The following LRMDA variants were observed in gnomAD, a reference collection of about 807,000 sequenced individuals.
LRMDA encodes leucine-rich melanocyte differentiation-associated protein.
Under a neutral mutation model 29.8 loss-of-function variants are expected in LRMDA, and 18 were observed. That is an observed-to-expected ratio of 0.60 (90% confidence interval 0.42 to 0.90). LRMDA has a LOEUF of 0.90. Ranked by LOEUF, LRMDA falls within the 40% of genes least tolerant of loss-of-function variation. The probability of loss-of-function intolerance (pLI) is 0.00; values close to 1 mark genes in which losing one functional copy is unlikely to be tolerated. For missense variants in LRMDA, 273 were observed against 273.9 expected (o/e 1.00, Z 0.02); for synonymous variants, 125 against 109.4 (o/e 1.14, Z -0.89).
chr10:76,324,575 C>G (rs530880397), intron 6 of LRMDA, 90 bp downstream of exon 6: 2 of 1,146,226 alleles, frequency 1.7e-6, no homozygotes, highest in African/African-American at 3.1e-5. Flanking sequence ...TGCCTCGGCA[C>G]TTTAGAAAGA....
At chr10:76,198,513 C>T (rs1433476644) in intron 5 of LRMDA, among the ~76,000 whole-genome samples, 1 of 152,184 alleles carries the variant, frequency 6.6e-6, no homozygotes, top group Non-Finnish European at 1.5e-5. Flanking sequence ...TAGTTGAGCA[C>T]CATGATGTTA....
chr10:76,466,361 A>G (rs1166277083), intron 6 of LRMDA, among the ~76,000 whole-genome samples: 1 of 152,114 alleles, frequency 6.6e-6, no homozygotes, highest in East Asian at 1.9e-4. Flanking sequence ...CTCCCCTTTC[A>G]TCTTCAGATC....
intron 2 of LRMDA, among the ~76,000 whole-genome samples, chr10:76,009,160 A>C (rs1332197643): frequency 6.6e-6 from 1 of 152,140 alleles, no homozygotes; most frequent in African/African-American, 2.4e-5. Context: ...GACCACCATG[A>C]GCTGATTCTC....
chr10:76,397,940 A>G (rs1841806123), intron 6 of LRMDA, among the ~76,000 whole-genome samples: 1 of 152,222 alleles, frequency 6.6e-6, no homozygotes, highest in Non-Finnish European at 1.5e-5. Flanking sequence ...TAGAGCACAA[A>G]CTGTGATGAG....
intron 2 of LRMDA, among the ~76,000 whole-genome samples, chr10:75,994,823 C>T (rs988612368): frequency 3.9e-5 from 6 of 152,278 alleles, no homozygotes; most frequent in Non-Finnish European, 5.9e-5. Context: ...GTCTAAATAA[C>T]GCAGCAACTC....
intron 5 of LRMDA, among the ~76,000 whole-genome samples, chr10:76,157,308 G>A (rs905142902): frequency 2.0e-5 from 3 of 152,118 alleles, no homozygotes; most frequent in Non-Finnish European, 2.9e-5. Flanking sequence ...ATTGAAGAAT[G>A]GCACAGCTTT....
intron 2 of LRMDA, among the ~76,000 whole-genome samples, chr10:75,858,147 C>G (rs943254438): frequency 2.0e-5 from 3 of 152,006 alleles, no homozygotes; most frequent in Non-Finnish European, 2.9e-5. Flanking sequence ...ATTCTGAGGC[C>G]CCCCCGTACC....
intron 2 of LRMDA, among the ~76,000 whole-genome samples, chr10:75,957,937 G>C (rs75461583): frequency 0.011 from 1,645 of 152,278 alleles, 33 homozygotes; most frequent in African/African-American, 0.037. Context: ...TCTCTTTGGG[G>C]ATATCCAGGA....
chr10:75,972,472 AGCG>A (rs781321545), intron 2 of LRMDA, among the ~76,000 whole-genome samples: 2 of 152,134 alleles, frequency 1.3e-5, no homozygotes, highest in Non-Finnish European at 2.9e-5. Flanking sequence ...ATTCATCTGA[AGCG>A]TTTTTGAAAA....
At chr10:75,839,993 C>T (rs1385314417) in intron 2 of LRMDA, among the ~76,000 whole-genome samples, 8 of 152,196 alleles carry the variant, frequency 5.3e-5, no homozygotes, top group Admixed American at 2.0e-4. Context: ...CAGGCGTAAG[C>T]CACCACGCCT....
intron 4 of LRMDA, among the ~76,000 whole-genome samples, chr10:76,052,383 A>G (rs1026463506): frequency 8.5e-5 from 13 of 152,194 alleles, no homozygotes; most frequent in Admixed American, 1.3e-4. Context: ...GTGGAGGCCC[A>G]TCTGAGCTTT....
chr10:76,164,033 A>G (rs1188595120), intron 5 of LRMDA, among the ~76,000 whole-genome samples: 1 of 152,152 alleles, frequency 6.6e-6, no homozygotes, highest in African/African-American at 2.4e-5. Context: ...CACTTCCTTA[A>G]ACAACCCTCT....
chr10:76,041,617 C>T (rs1848339931), intron 3 of LRMDA, among the ~76,000 whole-genome samples: 1 of 152,276 alleles, frequency 6.6e-6, no homozygotes, highest in Admixed American at 6.5e-5. Context: ...TGTCCATTCT[C>T]ACCTGGGACA....
At chr10:75,961,895 C>T (rs1035310847) in intron 2 of LRMDA, among the ~76,000 whole-genome samples, 2 of 152,112 alleles carry the variant, frequency 1.3e-5, no homozygotes, top group African/African-American at 2.4e-5. Flanking sequence ...TGTTCCAGGT[C>T]TCTCTCCTGG....
At chr10:75,956,329 A>G (rs1046139089) in intron 2 of LRMDA, among the ~76,000 whole-genome samples, 1 of 152,186 alleles carries the variant, frequency 6.6e-6, no homozygotes, top group Non-Finnish European at 1.5e-5. Context: ...TGAGGGTTAA[A>G]TGGTCTGTGA....
At chr10:75,751,491 C>G (rs1367018364) in intron 2 of LRMDA, among the ~76,000 whole-genome samples, 1 of 152,164 alleles carries the variant, frequency 6.6e-6, no homozygotes, top group African/African-American at 2.4e-5. Context: ...TATCTTACAT[C>G]AAAATAACTT....
chr10:75,912,478 T>A (rs1191308833), intron 2 of LRMDA, among the ~76,000 whole-genome samples: 1 of 152,078 alleles, frequency 6.6e-6, no homozygotes, highest in Non-Finnish European at 1.5e-5. Context: ...GTTAGGAAGT[T>A]ATGGAAAGGA....
intron 6 of LRMDA, among the ~76,000 whole-genome samples, chr10:76,528,943 T>C (rs1251789838): frequency 6.6e-6 from 1 of 152,146 alleles, no homozygotes; most frequent in African/African-American, 2.4e-5. Flanking sequence ...CTCAACAGCA[T>C]AGGGGCTCTG....
intron 6 of LRMDA, among the ~76,000 whole-genome samples, chr10:76,329,639 G>C (rs1840880294): frequency 6.6e-6 from 1 of 152,160 alleles, no homozygotes; most frequent in Non-Finnish European, 1.5e-5. Context: ...CCAACCAGGG[G>C]CTTGGTCTAT....
Sources: allele counts gnomAD v4.1 joint callset (sites outside exome capture counted in the v4.1 genomes callset), GRCh38; gene constraint gnomAD v4.1.1; transcripts MANE v1.5; gene names NCBI Gene and HGNC (gene_info 2026-07-23, HGNC 2026-07-21).